The following GRHL2 variants were observed in gnomAD, a reference collection of about 807,000 sequenced individuals.
GRHL2 encodes the protein grainyhead like transcription factor 2.
In GRHL2, 21 loss-of-function variants were observed where a neutral mutation model predicts 83.8. That is an observed-to-expected ratio of 0.25 (90% CI 0.18 to 0.36). The LOEUF is 0.36. Ranked by LOEUF, GRHL2 falls within the 10% of genes least tolerant of loss-of-function variation. The pLI, the probability that GRHL2 is intolerant of heterozygous loss-of-function variation, is 1.00. For synonymous variants in GRHL2, 280 were observed against 278.9 expected, an observed-to-expected ratio of 1.00 and a Z score of -0.04; for missense variants, 623 against 781.8, an observed-to-expected ratio of 0.80 and a Z score of 2.42.
chr8:101,611,436 A>G (rs549523357), intron 8 of GRHL2, among the ~76,000 whole-genome samples: 1 of 150,538 alleles, frequency 6.6e-6, no homozygotes, highest in Admixed American at 6.6e-5. Context: ...ATCTCTTGTC[A>G]TGTGGACACC....
At chr8:101,608,768 CA>C (rs1563605536) in intron 8 of GRHL2, among the ~76,000 whole-genome samples, 12 of 141,210 alleles carry the variant, frequency 8.5e-5, no homozygotes, top group South Asian at 2.1e-4. Context: ...CACACACACA[CA>C]CACACACACC....
intron 7 of GRHL2, among the ~76,000 whole-genome samples, chr8:101,583,696 A>G (rs1361141885): frequency 4.6e-5 from 7 of 152,238 alleles, no homozygotes; most frequent in African/African-American, 1.7e-4. Context: ...AAAGTTAACT[A>G]GACTAGATAT....
intron 8 of GRHL2, among the ~76,000 whole-genome samples, chr8:101,607,549 T>C (rs1812656441): frequency 6.6e-6 from 1 of 152,230 alleles, no homozygotes; most frequent in South Asian, 2.1e-4. Flanking sequence ...TTTGCCTAAA[T>C]TAATGTATTG....
At chr8:101,555,930 A>G (rs1385613650) in intron 3 of GRHL2, among the ~76,000 whole-genome samples, 2 of 152,150 alleles carry the variant, frequency 1.3e-5, no homozygotes, top group East Asian at 3.9e-4. Flanking sequence ...CTTTACACAC[A>G]GGAGCCAGAA....
At chr8:101,518,727 T>A (rs1810621986) in intron 1 of GRHL2, among the ~76,000 whole-genome samples, 1 of 152,162 alleles carries the variant, frequency 6.6e-6, no homozygotes, top group South Asian at 2.1e-4. Context: ...GTGCTGCTTC[T>A]CTTTTCTCCC....
intron 7 of GRHL2, among the ~76,000 whole-genome samples, chr8:101,586,327 A>C (rs1284363925): frequency 6.6e-6 from 1 of 151,972 alleles, no homozygotes; most frequent in Non-Finnish European, 1.5e-5. Context: ...AATATTTTAA[A>C]ATGACAGATA....
chr8:101,598,400 C>T (rs368152622), intron 7 of GRHL2, among the ~76,000 whole-genome samples: 11 of 151,728 alleles, frequency 7.2e-5, no homozygotes, highest in African/African-American at 2.4e-4. Context: ...CCACCATGCC[C>T]GGCTAATTTT....
At chr8:101,648,183 C>G (rs977834584) in intron 13 of GRHL2, among the ~76,000 whole-genome samples, 7 of 152,130 alleles carry the variant, frequency 4.6e-5, no homozygotes, top group Admixed American at 3.9e-4. Context: ...TGCAACACAA[C>G]TGCTGTAAGG....
intron 4 of GRHL2, among the ~76,000 whole-genome samples, chr8:101,563,422 C>T (rs1348743413): frequency 6.6e-6 from 1 of 151,970 alleles, no homozygotes; most frequent in African/African-American, 2.4e-5. Context: ...GACTGGCTCT[C>T]TGCAAAGTTG....
chr8:101,501,309 T>C (rs1810223673), intron 1 of GRHL2, among the ~76,000 whole-genome samples: 1 of 152,258 alleles, frequency 6.6e-6, no homozygotes, highest in African/African-American at 2.4e-5. Flanking sequence ...TGAATGCAGA[T>C]ACCCTCCGGA....
chr8:101,543,303 C>A lies in GRHL2; in HGVS notation c.83C>A (p.Ala28Asp). ...GACCCTCCATTCAATACCCGAAGAGCCTACACCAGTGAGGATGAAGCCTGG... is the reference window on the plus strand; with the variant it reads ...GACCCTCCATTCAATACCCGAAGAGACTACACCAGTGAGGATGAAGCCTGG... The part of the protein sequence containing the change: ...PSDPPFNTRR[A>D]YTSEDEAWKS... Residue 28 changes from alanine to aspartate, a missense_variant, in exon 2 of 16, where the codon GCC (alanine) becomes GAC (aspartate). Ala to Asp is a moderately radical substitution (Grantham distance 126). Transcript: ENST00000646743. 1 of 1,614,038 alleles carries A rather than the reference C, an allele frequency of 6.2e-7. No homozygotes were observed. Among genetic ancestry groups the A allele is most frequent in the Non-Finnish European group, 8.5e-7 (1 of 1,179,964 alleles).
intron 3 of GRHL2, among the ~76,000 whole-genome samples, chr8:101,556,946 G>A (rs1385145239): frequency 1.3e-5 from 2 of 151,882 alleles, no homozygotes; most frequent in Non-Finnish European, 2.9e-5. Context: ...AACACGTACA[G>A]AAGTACAGAG....
In GRHL2 at chr8:101,492,625, G is replaced by A. The variant is rs1456676050; in HGVS notation, c.-145G>A. ...CGGGCGAGCGAGCGAGAGTGGTGAG[G>A]GGGGACGGAAAAGCAGAATTACCTG... On this transcript the variant is annotated 5_prime_UTR_variant, in exon 1 of 16. Transcript: ENST00000646743. The A allele has an allele frequency of 1.0e-5, 8 of 770,724 alleles. No homozygotes were observed. Among genetic ancestry groups the A allele is most frequent in the Non-Finnish European group, 1.7e-5 (7 of 422,470 alleles). The allele number at this position is 770,724 out of a possible 1,614,324, so 47.7% of individuals were successfully genotyped here. A position where few individuals can be genotyped will look rare whatever the true frequency, so the allele number is the denominator to read the frequency against.
chr8:101,509,927 T>C (rs1810429957), intron 1 of GRHL2, among the ~76,000 whole-genome samples: 1 of 152,210 alleles, frequency 6.6e-6, no homozygotes, highest in African/African-American at 2.4e-5. Context: ...CCATAAAACC[T>C]ATAAAGCACT....
intron 1 of GRHL2, among the ~76,000 whole-genome samples, chr8:101,524,548 A>T (rs959361065): frequency 1.6e-4 from 24 of 151,194 alleles, no homozygotes; most frequent in South Asian, 6.3e-4. Context: ...AGTTCTAATT[A>T]AAAAAAAAGC....
chr8:101,653,614 G>T (rs1586174496), intron 14 of GRHL2, among the ~76,000 whole-genome samples: 1 of 152,096 alleles, frequency 6.6e-6, no homozygotes, highest in East Asian at 1.9e-4. Flanking sequence ...GTGCTGGCAT[G>T]CGCTGTAGTC....
At chr8:101,616,708 C>T (rs1771948157) in intron 8 of GRHL2, among the ~76,000 whole-genome samples, 1 of 152,096 alleles carries the variant, frequency 6.6e-6, no homozygotes, top group South Asian at 2.1e-4. Flanking sequence ...AGAGGACCAC[C>T]CTGTGTTGGT....
At chr8:101,496,599 G>A (rs1443922730) in intron 1 of GRHL2, among the ~76,000 whole-genome samples, 2 of 152,136 alleles carry the variant, frequency 1.3e-5, no homozygotes, top group Non-Finnish European at 2.9e-5. Flanking sequence ...GGGCAGGCTT[G>A]TTGACACTAA....
chr8:101,565,230 T>G (rs1586100552), intron 4 of GRHL2, among the ~76,000 whole-genome samples: 2 of 152,212 alleles, frequency 1.3e-5, no homozygotes, highest in East Asian at 3.9e-4. Flanking sequence ...AAATATACAA[T>G]GGAGTGGTAT....
Sources: gnomAD v4.1 joint callset for allele counts (sites outside exome capture counted in the v4.1 genomes callset) on GRCh38, gnomAD v4.1.1 for gene constraint, MANE v1.5 for transcripts, NCBI Gene and HGNC (gene_info 2026-07-23, HGNC 2026-07-21) for gene names.